SOAT1: variants seen among roughly 807,000 people sequenced by gnomAD.
SOAT1 encodes the protein acyl-coenzyme A:cholesterol acyltransferase 1.
SOAT1 carries 55 observed loss-of-function variants against 69.5 expected under a neutral mutation model. The observed-to-expected ratio is 0.79, with a 90% CI of 0.64 to 0.99. The LOEUF is 0.99. SOAT1 is among the 50% of genes least tolerant of loss of function. The probability of loss-of-function intolerance (pLI) is 0.00; values close to 1 mark genes in which losing one functional copy is unlikely to be tolerated. For missense variants in SOAT1, 580 were observed against 669.3 expected (o/e 0.87, Z 1.47); for synonymous variants, 231 against 224.7 (o/e 1.03, Z -0.25).
intron 3 of SOAT1, among the ~76,000 whole-genome samples, chr1:179,331,583 CA>C (rs983092295): frequency 2.7e-4 from 41 of 152,198 alleles, no homozygotes; most frequent in African/African-American, 9.2e-4. Flanking sequence ...ACTAAAAATA[CA>C]AAATTATCAG....
chr1:179,351,521 T>C, intron 15 of SOAT1, 59 bp downstream of exon 15: 1 of 1,557,886 alleles, frequency 6.4e-7, no homozygotes, highest in East Asian at 2.2e-5. Context: ...TTTGTGAGAG[T>C]TGGTGGGCAA....
chr1:179,334,434 G>A (rs1666075817), intron 3 of SOAT1, among the ~76,000 whole-genome samples: 1 of 152,036 alleles, frequency 6.6e-6, no homozygotes, highest in Admixed American at 6.6e-5. Flanking sequence ...TGTGGGGGGA[G>A]TGTGTGTTTT....
At chr1:179,339,362 C>T in intron 5 of SOAT1, 76 bp from the exon 6 acceptor site, 1 of 990,922 alleles carries the variant, frequency 1.0e-6, no homozygotes, top group Non-Finnish European at 1.5e-6. Flanking sequence ...AAGTTAACTG[C>T]TTTAAGAAAA....
intron 3 of SOAT1, among the ~76,000 whole-genome samples, chr1:179,333,466 C>T (rs1666038471): frequency 6.6e-6 from 1 of 151,438 alleles, no homozygotes; most frequent in Non-Finnish European, 1.5e-5. Flanking sequence ...CTTTGGGAGG[C>T]TGAGGTGGGC....
chr1:179,345,181 C>G, intron 11 of SOAT1, 105 bp downstream of exon 11: 2 of 1,067,504 alleles, frequency 1.9e-6, no homozygotes, highest in Non-Finnish European at 1.4e-6. Flanking sequence ...ATCTAAACTT[C>G]TATACATCTA....
chr1:179,336,296 C>T (rs1460089336), intron 4 of SOAT1, among the ~76,000 whole-genome samples: 1 of 151,632 alleles, frequency 6.6e-6, no homozygotes, highest in East Asian at 2.0e-4. Flanking sequence ...AACCCCATCT[C>T]TACCAAAAAT....
At chr1:179,312,440 C>T (rs1665251390) in intron 2 of SOAT1, among the ~76,000 whole-genome samples, 1 of 152,176 alleles carries the variant, frequency 6.6e-6, no homozygotes, top group South Asian at 2.1e-4. Context: ...GTCTCTTTCC[C>T]TGTCTTTCTC....
intron 12 of SOAT1, among the ~76,000 whole-genome samples, 159 bp downstream of exon 12, chr1:179,347,856 A>G (rs549332405): frequency 3.5e-4 from 54 of 152,348 alleles, no homozygotes; most frequent in African/African-American, 1.2e-3. Context: ...AAATTCGGTT[A>G]CAGATATAAC....
chr1:179,297,260 C>G (rs920273540), intron 1 of SOAT1, among the ~76,000 whole-genome samples: 8 of 152,158 alleles, frequency 5.3e-5, no homozygotes, highest in Non-Finnish European at 1.2e-4. Flanking sequence ...ATTTATTTGT[C>G]CTTCCTCCTA....
chr1:179,312,727 A>G (rs1305864116), intron 2 of SOAT1, among the ~76,000 whole-genome samples: 2 of 152,160 alleles, frequency 1.3e-5, no homozygotes, highest in Admixed American at 1.3e-4. Context: ...CCTGGTAGGT[A>G]ACCATTGCTC....
chr1:179,302,878 C>T (rs1664882008), intron 2 of SOAT1, 76 bp downstream of exon 2: 2 of 744,616 alleles, frequency 2.7e-6, no homozygotes, highest in Non-Finnish European at 4.3e-6. Flanking sequence ...TAAGTATTGC[C>T]ATCTCTTTAA....
At position 179,323,459 on chromosome 1, in the gene SOAT1, G is replaced by T; in HGVS notation, c.141G>T (p.Leu47Phe). ...TAGGTCGAATTGACATAAAACAGTTGATAGCAAAGAAGATAAAGTTGACAG... is the reference window on the plus strand; with the variant it reads ...TAGGTCGAATTGACATAAAACAGTTTATAGCAAAGAAGATAAAGTTGACAG... ...PSNGRIDIKQ[L>F]IAKKIKLTAE... The change falls in exon 3 of 16, where the codon TTG becomes TTT. Residue 47 changes from leucine to phenylalanine, a missense_variant. Coordinates refer to ENST00000367619, the MANE Select transcript of SOAT1 (RefSeq NM_003101.6). 1 of 1,613,816 alleles carries T rather than the reference G, an allele frequency of 6.2e-7. No homozygotes were observed. Among genetic ancestry groups the T allele is most frequent in the South Asian group, 1.1e-5 (1 of 91,028 alleles).
At chr1:179,325,124 T>C (rs1183210876) in intron 3 of SOAT1, among the ~76,000 whole-genome samples, 1 of 149,356 alleles carries the variant, frequency 6.7e-6, no homozygotes, top group East Asian at 2.0e-4. Flanking sequence ...TTTAAACATC[T>C]ATTCTTGCAA....
intron 1 of SOAT1, among the ~76,000 whole-genome samples, chr1:179,295,666 A>G (rs1664606260): frequency 6.6e-6 from 1 of 152,226 alleles, no homozygotes; most frequent in African/African-American, 2.4e-5. Flanking sequence ...ACCATGTTCA[A>G]GTGAATTTTA....
intron 12 of SOAT1, among the ~76,000 whole-genome samples, chr1:179,348,241 A>T (rs751823059): frequency 3.3e-5 from 5 of 152,176 alleles, no homozygotes; most frequent in Non-Finnish European, 7.3e-5. Context: ...GCTCTCTTTG[A>T]GTTGTTTTTG....
intron 9 of SOAT1, among the ~76,000 whole-genome samples, chr1:179,343,293 C>T (rs1038549980): frequency 1.3e-5 from 2 of 151,708 alleles, no homozygotes; most frequent in African/African-American, 2.4e-5. Context: ...GGTGCTATGT[C>T]GGCTCCCTGC....
rs1183373507 is a variant in SOAT1 at position 179,353,742 on chromosome 1, G to A, written c.*101G>A. ...TTACTGAAGTTATCTGTGTTATTTG[G>A]ACCACTCCAGGCTTTACAGATGACT... is the stretch of plus-strand genomic sequence containing the variant. On this transcript the variant is annotated 3_prime_UTR_variant, in exon 16 of 16. Coordinates refer to ENST00000367619, the MANE Select transcript of SOAT1 (RefSeq NM_003101.6). The A allele has an allele frequency of 5.0e-6, 5 of 1,008,264 alleles. No homozygotes were observed. Among genetic ancestry groups the A allele is most frequent in the Non-Finnish European group, 7.8e-6 (5 of 644,956 alleles). 62.5% of individuals were successfully genotyped at this position (1,008,264 alleles called of 1,614,324 possible).
At chr1:179,343,016 G>A in intron 9 of SOAT1, 73 bp downstream of exon 9, 1 of 1,141,724 alleles carries the variant, frequency 8.8e-7, no homozygotes, top group Non-Finnish European at 1.3e-6. Flanking sequence ...TAGGTAAACA[G>A]GGGCCAGTTC....
At chr1:179,303,961 A>C (rs1346025149) in intron 2 of SOAT1, among the ~76,000 whole-genome samples, 2 of 152,094 alleles carry the variant, frequency 1.3e-5, no homozygotes, top group African/African-American at 4.8e-5. Context: ...CATTCTCTTT[A>C]TGTCCCAAGT....
Sources: gnomAD v4.1 joint callset for allele counts (sites outside exome capture counted in the v4.1 genomes callset) on GRCh38, gnomAD v4.1.1 for gene constraint, MANE v1.5 for transcripts, NCBI Gene and HGNC (gene_info 2026-07-23, HGNC 2026-07-21) for gene names.